Variants in VPS13B observed in about 807,000 individuals in gnomAD.
The protein encoded by VPS13B is intermembrane lipid transfer protein VPS13B.
Under a neutral mutation model 426.4 loss-of-function variants are expected in VPS13B, and 285 were observed. The ratio of observed to expected loss-of-function variants is 0.67; its 90% CI spans 0.61 to 0.74. The LOEUF is 0.74. Among genes scored for constraint, VPS13B ranks in the 30% least tolerant of loss-of-function variants. VPS13B has a pLI of 0.00. For synonymous variants in VPS13B, 1,676 were observed against 1,676.4 expected (o/e 1.00, Z 0.01); for missense variants, 4,537 against 4,782.6 (o/e 0.95, Z 1.51).
chr8:99,096,082 TAAAG>T (rs1319683861), intron 3 of VPS13B, among the ~76,000 whole-genome samples: 1 of 152,194 alleles, frequency 6.6e-6, no homozygotes, highest in Admixed American at 6.5e-5. Flanking sequence ...TGATATCAGC[TAAAG>T]AAAGAAGAAT....
At chr8:99,179,454 C>G (rs1812825040) in intron 16 of VPS13B, among the ~76,000 whole-genome samples, 1 of 152,110 alleles carries the variant, frequency 6.6e-6, no homozygotes, top group South Asian at 2.1e-4. Context: ...TCTGTCCCCT[C>G]CTTCTTGCTT....
At chr8:99,336,164 A>G (rs1383818480) in intron 19 of VPS13B, among the ~76,000 whole-genome samples, 1 of 152,142 alleles carries the variant, frequency 6.6e-6, no homozygotes, top group East Asian at 1.9e-4. Flanking sequence ...ACCAAAACAG[A>G]GATATAGATC....
chr8:99,228,846 A>G (rs1426176081), intron 17 of VPS13B, among the ~76,000 whole-genome samples: 1 of 152,182 alleles, frequency 6.6e-6, no homozygotes, highest in Non-Finnish European at 1.5e-5. Flanking sequence ...AAGCCGTGAG[A>G]AAACAGCAGA....
At chr8:99,157,831 C>T (rs1040579662) in intron 15 of VPS13B, among the ~76,000 whole-genome samples, 1 of 152,110 alleles carries the variant, frequency 6.6e-6, no homozygotes, top group Non-Finnish European at 1.5e-5. Flanking sequence ...CCAGTGAACA[C>T]AGGAATGACA....
chr8:99,207,743 T>G (rs1356385367), intron 17 of VPS13B, among the ~76,000 whole-genome samples: 1 of 152,212 alleles, frequency 6.6e-6, no homozygotes, highest in East Asian at 1.9e-4. Flanking sequence ...TATGTATTTT[T>G]TTGCTGTTTA....
chr8:99,621,111 T>G (rs1489201048), intron 33 of VPS13B, among the ~76,000 whole-genome samples: 1 of 152,058 alleles, frequency 6.6e-6, no homozygotes, highest in East Asian at 1.9e-4. Flanking sequence ...TTGTTAAAGA[T>G]TGAGATTATT....
At chr8:99,850,362 C>T (rs532020485) in intron 55 of VPS13B, among the ~76,000 whole-genome samples, 8 of 146,690 alleles carry the variant, frequency 5.5e-5, no homozygotes, top group Non-Finnish European at 1.2e-4. Context: ...TACATAAGTA[C>T]GCATGTATGT....
chr8:99,234,550 T>C, intron 17 of VPS13B: 2 of 447,712 alleles, frequency 4.5e-6, no homozygotes, highest in South Asian at 3.6e-5. Context: ...GGGCTGGGGT[T>C]CGGGGGCCGC....
At chr8:99,394,335 C>T (rs1814617578) in intron 21 of VPS13B, among the ~76,000 whole-genome samples, 1 of 152,112 alleles carries the variant, frequency 6.6e-6, no homozygotes, top group African/African-American at 2.4e-5. Context: ...GCTGATACTG[C>T]ACTGGGTTTG....
Position 99,520,854 on chromosome 8 carries a change from G to A in VPS13B, c.4634-45G>A, listed in dbSNP as rs764231793. ...GATTTCTCCTTATGCATAAAGTTAT[G>A]TACAGATCCACAGTGTATTCATGAA... On this transcript the variant is annotated intron_variant, in intron 29 of 61. Transcript: ENST00000357162. 7 of 1,494,728 alleles carry A rather than the reference G, an allele frequency of 4.7e-6. No homozygotes were observed. In the Admixed American group the frequency reaches 6.7e-5, roughly 14 times the overall value. The allele number at this position is 1,494,728 out of a possible 1,614,324, so 92.6% of individuals were successfully genotyped here.
At chr8:99,536,303 A>G (rs961369038) in intron 30 of VPS13B, among the ~76,000 whole-genome samples, 11 of 152,308 alleles carry the variant, frequency 7.2e-5, no homozygotes, top group African/African-American at 2.6e-4. Flanking sequence ...AAACTTTAAT[A>G]TCAAATAATA....
intron 19 of VPS13B, chr8:99,347,245 C>A (rs1319537920): frequency 6.6e-6 from 1 of 152,316 alleles, no homozygotes; most frequent in African/African-American, 2.4e-5. Context: ...ATCAGACCCA[C>A]TTTGATGTCC....
chr8:99,435,192 C>A (rs1817307389), intron 22 of VPS13B, among the ~76,000 whole-genome samples: 1 of 152,014 alleles, frequency 6.6e-6, no homozygotes, highest in South Asian at 2.1e-4. Context: ...TGTAGAAGAT[C>A]TAGTTGACAC....
At chr8:99,143,243 C>T (rs1489405462) in intron 13 of VPS13B, 78 bp downstream of exon 13, 7 of 1,585,798 alleles carry the variant, frequency 4.4e-6, no homozygotes, top group South Asian at 3.3e-5. Flanking sequence ...TGTTGTCTTG[C>T]TAACTTTACG....
intron 19 of VPS13B, among the ~76,000 whole-genome samples, chr8:99,316,181 G>T (rs1347282105): frequency 1.3e-5 from 2 of 152,120 alleles, no homozygotes; most frequent in Non-Finnish European, 2.9e-5. Flanking sequence ...GATGTGAGTG[G>T]GGTAGCCTGT....
intron 39 of VPS13B, among the ~76,000 whole-genome samples, chr8:99,734,064 T>G (rs561697088): frequency 6.6e-5 from 10 of 152,324 alleles, no homozygotes; most frequent in African/African-American, 2.4e-4. Flanking sequence ...CGAATCTACT[T>G]TCTGTCTCTA....
At chr8:99,575,882 A>C (rs1351840104) in intron 32 of VPS13B, 98 bp downstream of exon 32, 10 of 1,204,198 alleles carry the variant, frequency 8.3e-6, no homozygotes, top group Non-Finnish European at 1.2e-5. Flanking sequence ...AGGACTTCAA[A>C]TTAGCTCATT....
chr8:99,442,760 A>G (rs954442851), intron 23 of VPS13B, 125 bp downstream of exon 23: 5 of 913,200 alleles, frequency 5.5e-6, no homozygotes, highest in East Asian at 5.3e-5. Flanking sequence ...TTTCCTGACC[A>G]AAGTAAGTGA....
chr8:99,487,235 A>G (rs1820360906), intron 25 of VPS13B, among the ~76,000 whole-genome samples: 1 of 152,102 alleles, frequency 6.6e-6, no homozygotes, highest in Admixed American at 6.6e-5. Flanking sequence ...GATATGTAGC[A>G]CTTTTCGGTA....
Sources: allele counts gnomAD v4.1 joint callset (sites outside exome capture counted in the v4.1 genomes callset), GRCh38; gene constraint gnomAD v4.1.1; transcripts MANE v1.5; gene names NCBI Gene and HGNC (gene_info 2026-07-23, HGNC 2026-07-21).